TENM2: variants seen among roughly 807,000 people sequenced by gnomAD.
TENM2 encodes teneurin transmembrane protein 2.
TENM2 carries 52 observed loss-of-function variants against 245.2 expected under a neutral mutation model. The observed-to-expected ratio is 0.21, with a 90% CI of 0.17 to 0.27. The LOEUF is 0.27. TENM2 is among the 10% of genes least tolerant of loss of function. The pLI, the probability that TENM2 is intolerant of heterozygous loss-of-function variation, is 1.00. For missense variants in TENM2, 3,046 were observed against 3,666.8 expected, an observed-to-expected ratio of 0.83 and a Z score of 4.37; for synonymous variants, 1,363 against 1,438.9, an observed-to-expected ratio of 0.95 and a Z score of 1.19.
chr5:167,852,571 T>G (rs1463350809), intron 2 of TENM2, among the ~76,000 whole-genome samples: 1 of 152,224 alleles, frequency 6.6e-6, no homozygotes, highest in Non-Finnish European at 1.5e-5. Context: ...AATTTAGTAG[T>G]TTTAACATTT....
intron 2 of TENM2, among the ~76,000 whole-genome samples, chr5:167,484,237 C>A (rs529420581): frequency 1.3e-5 from 2 of 152,164 alleles, no homozygotes; most frequent in East Asian, 3.9e-4. Flanking sequence ...CCTAGCTACT[C>A]GGGAGGCTGA....
At chr5:167,594,557 ATGTTT>A (rs1006448652) in intron 2 of TENM2, among the ~76,000 whole-genome samples, 1 of 152,192 alleles carries the variant, frequency 6.6e-6, no homozygotes, top group African/African-American at 2.4e-5. Context: ...TGTAATTTCC[ATGTTT>A]TGTTTAATGT....
At chr5:167,858,463 T>G (rs1194236933) in intron 2 of TENM2, among the ~76,000 whole-genome samples, 2 of 152,216 alleles carry the variant, frequency 1.3e-5, no homozygotes, top group Non-Finnish European at 2.9e-5. Context: ...CTCACTCACT[T>G]TAAGTCTTTC....
At chr5:167,059,299 A>G in the TENM2 span, among the ~76,000 whole-genome samples, 19 of 152,290 alleles carry the variant, frequency 1.2e-4, no homozygotes, top group South Asian at 3.9e-3. Context: ...ATTTATGTCA[A>G]CTTTTTGGAA....
At chr5:168,151,067 A>C (rs903843442) in intron 12 of TENM2, among the ~76,000 whole-genome samples, 14 of 152,036 alleles carry the variant, frequency 9.2e-5, no homozygotes, top group African/African-American at 3.1e-4. Flanking sequence ...CTCTTGCTCC[A>C]CCACCTCCCT....
chr5:167,134,595 A>G, the TENM2 span, among the ~76,000 whole-genome samples: 4 of 152,220 alleles, frequency 2.6e-5, no homozygotes, highest in African/African-American at 9.6e-5. Context: ...AAGTGGAATT[A>G]GACGCTGAGC....
chr5:167,360,180 T>A (rs922846905), intron 1 of TENM2, among the ~76,000 whole-genome samples: 4 of 152,114 alleles, frequency 2.6e-5, no homozygotes, highest in East Asian at 3.9e-4. Flanking sequence ...TAAAAGTTTT[T>A]AAAAAATTAA....
intron 3 of TENM2, among the ~76,000 whole-genome samples, chr5:167,927,071 T>C (rs1359968049): frequency 6.6e-6 from 1 of 152,196 alleles, no homozygotes; most frequent in Non-Finnish European, 1.5e-5. Context: ...TAGCCCATTG[T>C]ATTCGTGTGT....
At chr5:167,769,911 T>G (rs1763291203) in intron 2 of TENM2, among the ~76,000 whole-genome samples, 2 of 151,984 alleles carry the variant, frequency 1.3e-5, no homozygotes, top group African/African-American at 4.8e-5. Flanking sequence ...GTTTGCTAGT[T>G]TTTTTTTCCC....
chr5:167,725,067 T>C (rs1414610594), intron 2 of TENM2, among the ~76,000 whole-genome samples: 1 of 152,206 alleles, frequency 6.6e-6, no homozygotes, highest in African/African-American at 2.4e-5. Context: ...ATGAGCAAAG[T>C]TATGTTCAAA....
intron 2 of TENM2, among the ~76,000 whole-genome samples, chr5:167,785,990 G>T (rs914601196): frequency 1.3e-5 from 2 of 152,170 alleles, no homozygotes; most frequent in African/African-American, 4.8e-5. Flanking sequence ...CCTGCTATTT[G>T]TGGTCCCTGA....
intron 2 of TENM2, among the ~76,000 whole-genome samples, chr5:167,397,252 A>AAATGC (rs1208008319): frequency 3.3e-5 from 5 of 152,090 alleles, no homozygotes; most frequent in African/African-American, 1.2e-4. Flanking sequence ...AAAATGAAGA[A>AAATGC]AGGAAAGAGA....
chr5:168,064,693 C>T (rs912198403), intron 7 of TENM2, among the ~76,000 whole-genome samples: 2 of 152,198 alleles, frequency 1.3e-5, no homozygotes, highest in African/African-American at 2.4e-5. Flanking sequence ...ACAGCCCCAT[C>T]GCACATTTCA....
At chr5:168,192,426 C>G (rs1056218264) in intron 14 of TENM2, among the ~76,000 whole-genome samples, 1 of 152,172 alleles carries the variant, frequency 6.6e-6, no homozygotes, top group Non-Finnish European at 1.5e-5. Context: ...AACTTTCTCT[C>G]AAAAGAATAA....
chr5:167,923,587 T>C (rs545821685), intron 3 of TENM2, among the ~76,000 whole-genome samples: 1 of 152,196 alleles, frequency 6.6e-6, no homozygotes, highest in Non-Finnish European at 1.5e-5. Context: ...CAGTCCACAC[T>C]TGAGGTCCTA....
chr5:167,627,090 A>G (rs920680320), intron 2 of TENM2, among the ~76,000 whole-genome samples: 1 of 152,202 alleles, frequency 6.6e-6, no homozygotes, highest in Non-Finnish European at 1.5e-5. Context: ...AAAAATGGCA[A>G]AGACATGTTT....
intron 13 of TENM2, among the ~76,000 whole-genome samples, chr5:168,188,434 C>T (rs563049517): frequency 3.9e-5 from 6 of 152,288 alleles, no homozygotes; most frequent in East Asian, 1.9e-4. Flanking sequence ...GATTGACTAA[C>T]GAATTCGTTC....
chr5:168,110,039 CTT>C (rs5873091), intron 9 of TENM2, among the ~76,000 whole-genome samples: 3,547 of 121,864 alleles, frequency 0.029, 116 homozygotes, highest in Admixed American at 0.13. Context: ...AAGAACCCTT[CTT>C]TTTTTTTTTT....
chr5:167,449,050 TA>T lies in TENM2; in HGVS notation c.502+73589del, dbSNP rs34656951. On this transcript the variant is annotated intron_variant, in intron 2 of 28. Coordinates refer to ENST00000518659, the Ensembl canonical transcript of TENM2. ...TTTATTTGTTTCTAAATGTTGACAG[TA>T]AAAAAAAAAAATTGGTATGCAAAAA... Among the ~76,000 whole-genome samples, 511 of 146,490 alleles carry T rather than the reference TA, an allele frequency of 3.5e-3. 2 individuals are homozygous for T. The highest frequency in any genetic ancestry group is 0.018 in the East Asian group (92 of 5,020).
Sources: gnomAD v4.1 joint callset for allele counts (sites outside exome capture counted in the v4.1 genomes callset) on GRCh38, gnomAD v4.1.1 for gene constraint, MANE v1.5 for transcripts, NCBI Gene and HGNC (gene_info 2026-07-23, HGNC 2026-07-21) for gene names.